Variants in INTS11 observed in about 807,000 individuals in gnomAD.
The protein encoded by INTS11 is integrator complex subunit 11, also known as CPSF3-like protein.
INTS11 carries 77 observed loss-of-function variants against 78.6 expected under a neutral mutation model. The observed-to-expected ratio is 0.98, with a 90% CI of 0.81 to 1.18. INTS11 has a LOEUF of 1.18. Among genes scored for constraint, INTS11 ranks in the 50% most tolerant of loss-of-function variants. The probability of loss-of-function intolerance (pLI) is 0.00; values close to 1 mark genes in which losing one functional copy is unlikely to be tolerated. For missense variants in INTS11, 875 were observed against 825.9 expected (o/e 1.06, Z -0.73); for synonymous variants, 441 against 326.9 (o/e 1.35, Z -3.77).
At position 1,312,372 on chromosome 1, in the gene INTS11, T is replaced by G; in HGVS notation, c.1465-4A>C. The G allele has an allele frequency of 1.3e-6, 2 of 1,567,164 alleles. No individual in the cohort carries two copies. Among genetic ancestry groups the G allele is most frequent in the East Asian group, 4.7e-5 (2 of 42,632 alleles). On this transcript the variant is annotated splice_region_variant and splice_polypyrimidine_tract_variant and intron_variant, in intron 14 of 16. Coordinates refer to ENST00000435064, the MANE Select transcript of INTS11 (RefSeq NM_017871.6). ...CTGAGGACACCAGCCGGAAGTTCTG[T>G]GGGGCAGGGACAGGTCAGTGAGCGC...
chr1:1,323,835 G>A (rs571420950), intron 1 of INTS11, among the ~76,000 whole-genome samples: 3 of 107,612 alleles, frequency 2.8e-5, no homozygotes, highest in South Asian at 7.0e-4. Context: ...ACAGAGTGGT[G>A]GACAGAAAGC....
chr1:1,324,164 G>GGGGCTGCT lies in INTS11; in HGVS notation c.28+416_28+417insAGCAGCCC, dbSNP rs1643178231. Among the ~76,000 whole-genome samples, 2 of 118,576 alleles carry GGGGCTGCT rather than the reference G, an allele frequency of 1.7e-5. 1 individual carries two copies. Among genetic ancestry groups the GGGGCTGCT allele is most frequent in the African/African-American group, 6.4e-5 (2 of 31,366 alleles). The allele number at this position is 118,576 out of a possible 152,430, so 77.8% of individuals were successfully genotyped here. ...GGGGGCTGGGGGGCTGAGGGGCTGGGGGGCTGAGGGGCTGGGAGGCTGAGA... is the reference window on the plus strand; with the variant it reads ...GGGGGCTGGGGGGCTGAGGGGCTGGGGGGCTGCTGGGCTGAGGGGCTGGGAGGCTGAGA... On this transcript the variant is annotated intron_variant, in intron 1 of 16. Coordinates refer to ENST00000435064, the MANE Select transcript of INTS11 (RefSeq NM_017871.6).
chr1:1,317,944 C>T (rs1027631403), intron 4 of INTS11: 1 of 152,062 alleles, frequency 6.6e-6, no homozygotes, highest in African/African-American at 2.4e-5. Flanking sequence ...TGGCTCACTG[C>T]AAGCTCCGCC....
intron 1 of INTS11, among the ~76,000 whole-genome samples, chr1:1,321,454 C>T (rs1642942111): frequency 6.6e-6 from 1 of 152,380 alleles, no homozygotes; most frequent in Non-Finnish European, 1.5e-5. Context: ...CAGAGTCACT[C>T]CTGGGCTGTG....
chr1:1,313,587 C>T lies in INTS11; in HGVS notation c.963G>A (p.Val321=). ...CGTGCAGCATTCCTGGCGTGGCAAACACAACCTACAGGACACACAGGGCCA... is the reference window on the plus strand; with the variant it reads ...CGTGCAGCATTCCTGGCGTGGCAAATACAACCTACAGGACACACAGGGCCA... ...AFADNPGPMV[V]FATPGMLHAG... The change falls in exon 10 of 17, where the codon GTG becomes GTA. Residue 321 remains valine (V), a synonymous_variant. Transcript: ENST00000435064. The T allele has an allele frequency of 6.2e-7, 1 of 1,612,926 alleles. No individual in the cohort carries two copies. Among genetic ancestry groups the T allele is most frequent in the East Asian group, 2.2e-5 (1 of 44,886 alleles).
chr1:1,313,011 G>A, intron 11 of INTS11, 24 bp downstream of exon 11: 2 of 1,611,510 alleles, frequency 1.2e-6, no homozygotes, highest in Non-Finnish European at 1.7e-6. Flanking sequence ...GGCCCTGCCA[G>A]CCCAGTGCGG....
intron 1 of INTS11, 79 bp downstream of exon 1, chr1:1,324,502 G>A (rs1643218863): frequency 7.0e-7 from 1 of 1,427,166 alleles, no homozygotes. Flanking sequence ...CACGAGAAAC[G>A]GGAGGGAGCG....
chr1:1,323,061 G>C, intron 1 of INTS11: 2 of 1,467,698 alleles, frequency 1.4e-6, no homozygotes, highest in East Asian at 2.5e-5. Context: ...CAGAGAGCAG[G>C]GGAGGGCAGT....
At chr1:1,322,917 T>C (rs1325805877) in intron 1 of INTS11, 14 of 1,310,170 alleles carry the variant, frequency 1.1e-5, no homozygotes, top group Middle Eastern at 2.9e-4. Flanking sequence ...CTTGAGAATA[T>C]ACCCAGGTAC....
intron 1 of INTS11, 93 bp downstream of exon 1, chr1:1,324,488 G>A: frequency 7.4e-7 from 1 of 1,347,430 alleles, no homozygotes; most frequent in Admixed American, 2.1e-5. Flanking sequence ...CGCGCACCTG[G>A]CTCCACGAGA....
intron 1 of INTS11, 73 bp from the exon 2 acceptor site, chr1:1,321,166 A>G: frequency 8.3e-7 from 1 of 1,200,066 alleles, no homozygotes; most frequent in Non-Finnish European, 1.2e-6. Context: ...GCTCTGCAGG[A>G]CCCCAGTGCA....
At chr1:1,320,576 G>A in intron 2 of INTS11, 47 bp from the exon 3 acceptor site, 1 of 1,592,710 alleles carries the variant, frequency 6.3e-7, no homozygotes, top group Non-Finnish European at 8.6e-7. Context: ...TCTCCAGGCA[G>A]CATCTGGGGC....
chr1:1,324,450 C>T (rs571318191), intron 1 of INTS11, 131 bp downstream of exon 1: 22 of 916,292 alleles, frequency 2.4e-5, no homozygotes, highest in African/African-American at 1.2e-4. Context: ...AGGGCCCGCG[C>T]GGGGAGGAGA....
rs1642334996 is a variant in INTS11 at position 1,313,051 on chromosome 1, A to G, written c.1115T>C (p.Met372Thr). Residue 372 changes from methionine to threonine, a missense_variant, in exon 11 of 17, where the codon ATG (methionine) becomes ACG (threonine). By Grantham distance (81) the Met-to-Thr change is moderately conservative. Coordinates refer to ENST00000435064, the MANE Select transcript of INTS11 (RefSeq NM_017871.6). Reference protein sequence around the residue: ...KILSGQRKLEMEGRQVLEVKM... With the variant: ...KILSGQRKLETEGRQVLEVKM... ...GAGACTCACCACCTGCCGCCCCTCC[A>G]TCTCGAGCTTCCGCTGCCCGCTGAG... 11 of 1,610,832 alleles carry G rather than the reference A, an allele frequency of 6.8e-6. No individual in the cohort carries two copies. Among genetic ancestry groups the G allele is most frequent in the Non-Finnish European group, 9.3e-6 (11 of 1,179,820 alleles).
intron 4 of INTS11, chr1:1,318,960 C>A (rs1202523507): frequency 1.4e-6 from 1 of 717,326 alleles, no homozygotes; most frequent in Admixed American, 2.0e-5. Flanking sequence ...ACCCCGGGAG[C>A]TCCAGCGAGT....
Position 1,318,863 on chromosome 1 carries a change from C to T in INTS11, c.429+433G>A, listed in dbSNP as rs774405317. On this transcript the variant is annotated intron_variant, in intron 4 of 16. Transcript: ENST00000435064. The stretch of plus-strand genomic sequence containing the variant: ...ACCTGTCACTCGCTGATTTAACCTT[C>T]ACTTCTTCCCTGACCCACACCCAGA... The T allele has an allele frequency of 6.4e-5, 41 of 642,928 alleles. 1 individual carries two copies. The South Asian group carries it at 6.9e-4, about 11-fold the overall frequency. The allele number at this position is 642,928 out of a possible 1,614,324, so 39.8% of individuals were successfully genotyped here.
intron 15 of INTS11, 22 bp from the exon 16 acceptor site, chr1:1,312,169 C>T (rs1345359086): frequency 2.0e-6 from 3 of 1,506,834 alleles, no homozygotes; most frequent in Non-Finnish European, 2.7e-6. Context: ...CTCGGTGAGA[C>T]CCTGCCTGGC....
At position 1,312,894 on chromosome 1, in the gene INTS11, T is replaced by C. The variant is rs1397334285; in HGVS notation, c.1187A>G (p.Lys396Arg). ...YMSFSAHADA[K>R]GIMQLVGQAE... is the part of the protein sequence containing the mutation. Reference sequence around the variant, plus strand: ...CTGGCCCACCAGCTGCATGATGCCCTTGGCGTCCGCGTGTGCGCTGAATGA... The same window carrying C: ...CTGGCCCACCAGCTGCATGATGCCCCTGGCGTCCGCGTGTGCGCTGAATGA... The change falls in exon 12 of 17, where the codon AAG (lysine) becomes AGG (arginine). Residue 396 changes from lysine (K) to arginine (R), a missense_variant. Lys to Arg is a conservative substitution (Grantham distance 26). Coordinates refer to ENST00000435064, the MANE Select transcript of INTS11 (RefSeq NM_017871.6). The C allele has an allele frequency of 1.2e-6, 2 of 1,612,634 alleles. No individual in the cohort carries two copies. The highest frequency in any genetic ancestry group is 1.7e-5 in the Admixed American group (1 of 60,028).
intron 4 of INTS11, 53 bp from the exon 5 acceptor site, chr1:1,315,671 GAGTGAGGGAGGCGGGGGACGGGA>G (rs910338886): frequency 3.8e-5 from 40 of 1,048,196 alleles, no homozygotes; most frequent in Admixed American, 9.2e-5. Context: ...GAGGGGCGGG[GAGTGAGGGAGGCGGGGGACGGGA>G]AGCGCGGGAG....
Sources: gnomAD v4.1 joint callset for allele counts (sites outside exome capture counted in the v4.1 genomes callset) on GRCh38, gnomAD v4.1.1 for gene constraint, MANE v1.5 for transcripts, NCBI Gene and HGNC (gene_info 2026-07-23, HGNC 2026-07-21) for gene names.